The following AXDND1 variants were observed in gnomAD, a reference collection of about 807,000 sequenced individuals.
AXDND1 encodes axonemal dynein light chain domain-containing protein 1.
A neutral mutation model predicts 137.5 loss-of-function variants in AXDND1; 110 were observed. That is an observed-to-expected ratio of 0.80 (90% CI 0.69 to 0.94). The LOEUF is 0.94. Ranked by LOEUF, AXDND1 falls within the 40% of genes least tolerant of loss-of-function variation. AXDND1 has a pLI of 0.00. For synonymous variants in AXDND1, 414 were observed against 399.7 expected (o/e 1.04, Z -0.43); for missense variants, 1,191 against 1,169.8 (o/e 1.02, Z -0.26).
At chr1:179,536,249 C>A in intron 25 of AXDND1, among the ~76,000 whole-genome samples, 1 of 152,096 alleles carries the variant, frequency 6.6e-6, no homozygotes. Context: ...GCTTGTGTTG[C>A]TATTGCTTTT....
At chr1:179,493,304 T>TA (rs1667121461) in intron 20 of AXDND1, among the ~76,000 whole-genome samples, 1 of 152,226 alleles carries the variant, frequency 6.6e-6, no homozygotes, top group Non-Finnish European at 1.5e-5. Flanking sequence ...CATGATTACT[T>TA]AGAGATTCAC....
chr1:179,517,168 G>T (rs1399977317), intron 21 of AXDND1, among the ~76,000 whole-genome samples: 1 of 152,178 alleles, frequency 6.6e-6, no homozygotes, highest in Non-Finnish European at 1.5e-5. Flanking sequence ...GGTCAGTGGA[G>T]TTATGTACCT....
intron 20 of AXDND1, among the ~76,000 whole-genome samples, chr1:179,498,796 A>T (rs2125603458): frequency 6.6e-6 from 1 of 152,266 alleles, no homozygotes; most frequent in South Asian, 2.1e-4. Context: ...TCAAAAGAAG[A>T]TACACAGTGG....
intron 11 of AXDND1, among the ~76,000 whole-genome samples, chr1:179,405,710 TTTTGTTTG>T (rs144564997): frequency 1.3e-5 from 2 of 151,558 alleles, no homozygotes; most frequent in Non-Finnish European, 2.9e-5. Context: ...TTATATCTCT[TTTTGTTTG>T]TTTGTTTGTT....
intron 11 of AXDND1, among the ~76,000 whole-genome samples, chr1:179,403,678 A>G (rs1186565781): frequency 6.6e-6 from 1 of 152,114 alleles, no homozygotes; most frequent in Non-Finnish European, 1.5e-5. Context: ...AATTCAAGTG[A>G]TTCTCCTGCC....
intron 17 of AXDND1, among the ~76,000 whole-genome samples, chr1:179,479,052 A>G (rs1664989716): frequency 6.6e-6 from 1 of 152,114 alleles, no homozygotes; most frequent in Admixed American, 6.5e-5. Flanking sequence ...GTGAGCCAAG[A>G]TCAAACCACT....
chr1:179,457,478 C>A (rs776790546), intron 16 of AXDND1, among the ~76,000 whole-genome samples: 31 of 152,168 alleles, frequency 2.0e-4, no homozygotes, highest in Non-Finnish European at 4.1e-4. Context: ...CCAAACATTT[C>A]AAAATTTATT....
chr1:179,511,362 G>A (rs1012928002), intron 21 of AXDND1, among the ~76,000 whole-genome samples: 1 of 147,572 alleles, frequency 6.8e-6, no homozygotes, highest in African/African-American at 2.5e-5. Context: ...CATATATATG[G>A]TATAATATAT....
chr1:179,498,946 C>T (rs1235470860), intron 20 of AXDND1, among the ~76,000 whole-genome samples: 2 of 151,906 alleles, frequency 1.3e-5, no homozygotes, highest in African/African-American at 4.8e-5. Flanking sequence ...AGTGAGGCTG[C>T]AGAGAAAAAG....
chr1:179,456,562 A>G lies in AXDND1; in HGVS notation c.1798+11358A>G, dbSNP rs546718564. The G allele has an allele frequency of 4.9e-5, 38 of 778,722 alleles. 1 individual carries two copies. In the East Asian group the frequency reaches 9.3e-4, roughly 19 times the overall value. 48.2% of individuals were successfully genotyped at this position (778,722 alleles called of 1,614,324 possible). A position where few individuals can be genotyped will look rare whatever the true frequency, so the allele number is the denominator to read the frequency against. On this transcript the variant is annotated intron_variant, in intron 16 of 25. Transcript: ENST00000367618. The stretch of plus-strand genomic sequence containing the variant: ...CCATAGCCTCTGCTTCCTCCGGAGT[A>G]ACCAGGGCCACCTCCTCCATAACCA...
In AXDND1 at chr1:179,411,190, G is replaced by A; in HGVS notation, c.1154G>A (p.Arg385Lys). The A allele has an allele frequency of 1.2e-6, 2 of 1,611,502 alleles. No homozygotes were observed. The highest frequency in any genetic ancestry group is 4.5e-5 in the East Asian group (2 of 44,726). The change falls in exon 12 of 26, where the codon AGG becomes AAG. Residue 385 changes from arginine to lysine, a missense_variant. Arg to Lys is a conservative substitution (Grantham distance 26). Transcript: ENST00000367618. ...GACTTATATACATTACAAAGAGAAA[G>A]GATGGAGAATGATATGAAAAAGTTA... ...YHDLYTLQRE[R>K]MENDMKKLVA... is the part of the protein sequence containing the mutation.
At chr1:179,412,694 A>T (rs1233971345) in intron 12 of AXDND1, among the ~76,000 whole-genome samples, 1 of 152,240 alleles carries the variant, frequency 6.6e-6, no homozygotes, top group Non-Finnish European at 1.5e-5. Flanking sequence ...TTCTGCTATC[A>T]CTGGAGATCC....
At chr1:179,375,450 T>C (rs1049613383) in intron 4 of AXDND1, among the ~76,000 whole-genome samples, 5 of 151,216 alleles carry the variant, frequency 3.3e-5, no homozygotes, top group African/African-American at 1.2e-4. Flanking sequence ...GCATAAAATA[T>C]TGTGTGTATA....
At chr1:179,455,443 A>C (rs973587270) in intron 16 of AXDND1, 1 of 151,082 alleles carries the variant, frequency 6.6e-6, no homozygotes, top group African/African-American at 2.4e-5. Flanking sequence ...ATACAAAAAA[A>C]ATTAGCCGGG....
intron 17 of AXDND1, among the ~76,000 whole-genome samples, chr1:179,472,020 G>C (rs12139969): frequency 0.063 from 9,564 of 151,720 alleles, 359 homozygotes; most frequent in African/African-American, 0.071. Flanking sequence ...TCAGCCTCCC[G>C]AGTAGCTGGG....
At chr1:179,367,776 A>C (rs996401168) in intron 2 of AXDND1, among the ~76,000 whole-genome samples, 2 of 152,228 alleles carry the variant, frequency 1.3e-5, no homozygotes, top group Non-Finnish European at 1.5e-5. Context: ...TAGCAGAGAT[A>C]AGAGAAACTC....
intron 25 of AXDND1, among the ~76,000 whole-genome samples, chr1:179,549,855 A>C (rs1164428071): frequency 6.6e-6 from 1 of 152,068 alleles, no homozygotes; most frequent in Non-Finnish European, 1.5e-5. Flanking sequence ...ACCACCTATG[A>C]TCATGCCCCG....
At chr1:179,522,508 A>G (rs1670157848) in intron 21 of AXDND1, among the ~76,000 whole-genome samples, 1 of 152,106 alleles carries the variant, frequency 6.6e-6, no homozygotes, top group Non-Finnish European at 1.5e-5. Context: ...ATGAATGTTG[A>G]TCAGTAGGAG....
At chr1:179,434,435 T>C (rs1421559188) in intron 15 of AXDND1, among the ~76,000 whole-genome samples, 2 of 152,158 alleles carry the variant, frequency 1.3e-5, no homozygotes, top group Admixed American at 6.6e-5. Flanking sequence ...CTGATGAACA[T>C]TGATGCGAAA....
Sources: gnomAD v4.1 joint callset for allele counts (sites outside exome capture counted in the v4.1 genomes callset) on GRCh38, gnomAD v4.1.1 for gene constraint, MANE v1.5 for transcripts, NCBI Gene and HGNC (gene_info 2026-07-23, HGNC 2026-07-21) for gene names.